Variants in SPECC1L observed in about 807,000 individuals in gnomAD.
The protein encoded by SPECC1L is cytospin-A.
In SPECC1L, 40 loss-of-function variants were observed where a neutral mutation model predicts 116.8. The observed-to-expected ratio is 0.34, with a 90% CI of 0.27 to 0.45. SPECC1L has a LOEUF of 0.45. Ranked by LOEUF, SPECC1L falls within the 20% of genes least tolerant of loss-of-function variation. The pLI is 1.00. For synonymous variants in SPECC1L, 504 were observed against 500.6 expected (o/e 1.01, Z -0.09); for missense variants, 1,110 against 1,373.6 (o/e 0.81, Z 3.03).
intron 6 of SPECC1L, among the ~76,000 whole-genome samples, chr22:24,325,507 A>G (rs1207940744): frequency 6.6e-6 from 1 of 152,036 alleles, no homozygotes; most frequent in East Asian, 1.9e-4. Context: ...GAGTATTTCC[A>G]CTGGCTGCCA....
chr22:24,282,685 T>C (rs1390361882), intron 2 of SPECC1L, among the ~76,000 whole-genome samples: 1 of 152,160 alleles, frequency 6.6e-6, no homozygotes, highest in East Asian at 1.9e-4. Context: ...GAATGAATGT[T>C]GGGTTTTGTT....
chr22:24,313,215 T>C (rs2040495097), intron 3 of SPECC1L, 98 bp from the exon 4 acceptor site: 1 of 1,294,002 alleles, frequency 7.7e-7, no homozygotes, highest in South Asian at 1.2e-5. Flanking sequence ...GTAATAGGGC[T>C]CTTGAACTTA....
At chr22:24,308,399 G>A (rs575756485) in intron 3 of SPECC1L, among the ~76,000 whole-genome samples, 1 of 152,178 alleles carries the variant, frequency 6.6e-6, no homozygotes, top group Non-Finnish European at 1.5e-5. Flanking sequence ...TTTCTAAGGA[G>A]CGAAAGGCAG....
intron 14 of SPECC1L, among the ~76,000 whole-genome samples, chr22:24,397,075 AAAGT>A (rs1391087997): frequency 2.0e-5 from 3 of 152,190 alleles, no homozygotes; most frequent in Non-Finnish European, 4.4e-5. Context: ...ACTAAAGGAA[AAAGT>A]AAGTAAACTA....
chr22:24,391,936 A>T (rs1569446157), intron 14 of SPECC1L, among the ~76,000 whole-genome samples: 1 of 152,212 alleles, frequency 6.6e-6, no homozygotes, highest in Non-Finnish European at 1.5e-5. Context: ...TTGTCTCAGG[A>T]TGCATTTCCT....
chr22:24,412,138 G>A (rs1278636318), intron 15 of SPECC1L: 1 of 353,022 alleles, frequency 2.8e-6, no homozygotes, highest in African/African-American at 2.1e-5. Context: ...CCAACCCTGT[G>A]CACTCCAGGG....
intron 14 of SPECC1L, among the ~76,000 whole-genome samples, chr22:24,390,849 T>C (rs2146732259): frequency 8.2e-6 from 1 of 121,992 alleles, no homozygotes; most frequent in Middle Eastern, 3.8e-3. Context: ...TGGGCCTGTG[T>C]TCCTTTTTTT....
At chr22:24,318,465 G>T (rs143758583) in intron 4 of SPECC1L, among the ~76,000 whole-genome samples, 1 of 152,206 alleles carries the variant, frequency 6.6e-6, no homozygotes, top group Non-Finnish European at 1.5e-5. Flanking sequence ...AGCCGAGATG[G>T]CAGCAGTACA....
At chr22:24,315,056 A>G in intron 4 of SPECC1L, among the ~76,000 whole-genome samples, 1 of 152,276 alleles carries the variant, frequency 6.6e-6, no homozygotes, top group East Asian at 1.9e-4. Flanking sequence ...TAGTAAACAT[A>G]AGATCAAGTG....
intron 2 of SPECC1L, among the ~76,000 whole-genome samples, chr22:24,301,339 G>A (rs535005402): frequency 1.8e-4 from 28 of 152,200 alleles, no homozygotes; most frequent in Non-Finnish European, 3.2e-4. Flanking sequence ...AGACATTTAC[G>A]TGGTCTTCTT....
chr22:24,342,213 A>G (rs961341994), intron 10 of SPECC1L, among the ~76,000 whole-genome samples: 1 of 152,270 alleles, frequency 6.6e-6, no homozygotes, highest in African/African-American at 2.4e-5. Context: ...ACAATGAAGA[A>G]GCAGGAAAAT....
chr22:24,343,499 C>T (rs1029085441), intron 10 of SPECC1L: 35 of 444,166 alleles, frequency 7.9e-5, no homozygotes, highest in Non-Finnish European at 1.3e-4. Context: ...CTAGTTCTGT[C>T]GCCCACGCTG....
intron 1 of SPECC1L, among the ~76,000 whole-genome samples, chr22:24,275,759 A>C (rs1796183551): frequency 6.6e-6 from 1 of 152,180 alleles, no homozygotes; most frequent in African/African-American, 2.4e-5. Context: ...CCTATCACCC[A>C]GGCTGGAGAG....
chr22:24,359,430 G>T (rs149664570), intron 11 of SPECC1L, among the ~76,000 whole-genome samples: 176 of 152,176 alleles, frequency 1.2e-3, no homozygotes, highest in African/African-American at 4.0e-3. Flanking sequence ...ATGTGTTCAC[G>T]TCTCTTCCTT....
chr22:24,370,457 G>A (rs2041851425), intron 14 of SPECC1L, among the ~76,000 whole-genome samples: 1 of 152,224 alleles, frequency 6.6e-6, no homozygotes, highest in African/African-American at 2.4e-5. Context: ...AAATGGGCAG[G>A]CTTATGTTTT....
chr22:24,318,294 A>G (rs11912936), intron 4 of SPECC1L, among the ~76,000 whole-genome samples: 4 of 152,192 alleles, frequency 2.6e-5, no homozygotes, highest in South Asian at 2.1e-4. Context: ...CGAGGCTGGC[A>G]GATCACTCGC....
chr22:24,276,788 T>C lies in SPECC1L; in HGVS notation c.-53T>C, dbSNP rs201568380. On this transcript the variant is annotated 5_prime_UTR_variant, in exon 2 of 17. Coordinates refer to ENST00000314328, the MANE Select transcript of SPECC1L (RefSeq NM_015330.6). ...GAGGCAGTCCGATGGGGCTACTTTA[T>C]TCCAGAACAATCACAGTGAGACCTT... is the stretch of plus-strand genomic sequence containing the variant. 2 of 453,770 alleles carry C rather than the reference T, an allele frequency of 4.4e-6. No individual in the cohort carries two copies. The highest frequency in any genetic ancestry group is 8.8e-6 in the Non-Finnish European group (2 of 226,694). 28.1% of individuals were successfully genotyped at this position (453,770 alleles called of 1,614,324 possible). A position where few individuals can be genotyped will look rare whatever the true frequency, so the allele number is the denominator to read the frequency against.
rs529996009 is a variant in SPECC1L at position 24,294,526 on chromosome 22, C to T, written c.-37-7669C>T. Among the ~76,000 whole-genome samples the T allele has an allele frequency of 2.0e-5, 3 of 151,610 alleles. No homozygotes were observed. The South Asian group carries it at 6.2e-4, about 32-fold the overall frequency. On this transcript the variant is annotated intron_variant, in intron 2 of 16. Transcript: ENST00000314328. ...CCTCCCAATTAGCTGGGATTACAGG[C>T]ACGCACCACCACACCCAGCTAATTT...
At chr22:24,358,213 C>T (rs2041571035) in intron 11 of SPECC1L, among the ~76,000 whole-genome samples, 1 of 150,726 alleles carries the variant, frequency 6.6e-6, no homozygotes, top group South Asian at 2.1e-4. Flanking sequence ...TTCCTGGGCT[C>T]AAGCTGTCCT....
Sources: gnomAD v4.1 joint callset for allele counts (sites outside exome capture counted in the v4.1 genomes callset) on GRCh38, gnomAD v4.1.1 for gene constraint, MANE v1.5 for transcripts, NCBI Gene and HGNC (gene_info 2026-07-23, HGNC 2026-07-21) for gene names.